Variants in EIF4B observed in about 807,000 individuals in gnomAD.
EIF4B encodes the protein eukaryotic translation initiation factor 4B.
In EIF4B, 8 loss-of-function variants were observed where a neutral mutation model predicts 79.3. The observed-to-expected ratio is 0.10, with a 90% confidence interval of 0.06 to 0.18. EIF4B has a LOEUF of 0.18. EIF4B is among the 10% of genes least tolerant of loss of function. The pLI is 1.00. For synonymous variants in EIF4B, 238 were observed against 274.7 expected (o/e 0.87, Z 1.32); for missense variants, 515 against 792.4 (o/e 0.65, Z 4.20).
At chr12:53,019,851 A>G in intron 3 of EIF4B, 59 bp from the exon 4 acceptor site, 1 of 1,554,072 alleles carries the variant, frequency 6.4e-7, no homozygotes, top group Non-Finnish European at 8.8e-7. Context: ...AGTCCTCTCA[A>G]AAAATGACAA....
chr12:53,008,173 CTG>C (rs534787735), intron 1 of EIF4B, among the ~76,000 whole-genome samples: 260 of 152,302 alleles, frequency 1.7e-3, no homozygotes, highest in African/African-American at 5.9e-3. Context: ...TGAAGAAAAT[CTG>C]TGTTTTCTTA....
At chr12:53,021,898 C>G (rs1370126792) in intron 5 of EIF4B, 38 bp downstream of exon 5, 1 of 1,612,518 alleles carries the variant, frequency 6.2e-7, no homozygotes, top group Non-Finnish European at 8.5e-7. Flanking sequence ...TGGTAATGGT[C>G]CCAGGATGAC....
intron 11 of EIF4B, 194 bp from the exon 12 acceptor site, chr12:53,038,162 T>C (rs1249135409): frequency 2.9e-5 from 13 of 445,690 alleles, no homozygotes; most frequent in East Asian, 2.7e-4. Context: ...ATGTGATGAT[T>C]AGAAAGCATA....
At chr12:53,008,736 C>T (rs1397962560) in intron 1 of EIF4B, 2 of 152,186 alleles carry the variant, frequency 1.3e-5, no homozygotes, top group East Asian at 3.8e-4. Flanking sequence ...TGCTTTGCTT[C>T]TTAAAAAGAA....
chr12:53,029,222 C>T (rs1409381817), intron 8 of EIF4B, among the ~76,000 whole-genome samples: 2 of 151,872 alleles, frequency 1.3e-5, no homozygotes, highest in African/African-American at 2.4e-5. Flanking sequence ...AAATTATGCC[C>T]CTAATACTAT....
At chr12:53,022,363 T>A (rs1165323835) in intron 5 of EIF4B, 130 bp from the exon 6 acceptor site, 1 of 1,320,856 alleles carries the variant, frequency 7.6e-7, no homozygotes, top group East Asian at 2.3e-5. Context: ...TTATGGGGCC[T>A]GAGGTAACTG....
At chr12:53,022,415 G>A in intron 5 of EIF4B, 78 bp from the exon 6 acceptor site, 2 of 1,586,318 alleles carry the variant, frequency 1.3e-6, no homozygotes, top group Admixed American at 1.7e-5. Flanking sequence ...GGGTAAAATG[G>A]GGGTTTTCTA....
rs569411742 is a variant in EIF4B at position 53,034,032 on chromosome 12, G to A, written c.1206G>A (p.Glu402=). The change falls in exon 9 of 15, where the codon GAG becomes GAA. Residue 402 remains glutamate, a splice_region_variant and synonymous_variant. Coordinates refer to ENST00000262056, the MANE Select transcript of EIF4B (RefSeq NM_001417.7). ...DEPKLERRPR[E]RHPSWRSEET... is the part of the protein sequence containing the mutation. ...CAAAACTAGAACGACGGCCTCGGGA[G>A]AGGTGTGTTGTCTTGATGGATATCC... 1.9e-5 allele frequency: 30 copies of A among 1,607,852 alleles called. No individual in the cohort carries two copies. The South Asian group carries it at 3.2e-4, about 17-fold the overall frequency.
chr12:53,008,955 A>C (rs918386057), intron 1 of EIF4B, among the ~76,000 whole-genome samples: 11 of 152,104 alleles, frequency 7.2e-5, no homozygotes, highest in African/African-American at 2.7e-4. Flanking sequence ...GAATCGCTTC[A>C]ATCTGGGAGG....
chr12:53,038,332 T>A lies in EIF4B; in HGVS notation c.1521-24T>A, dbSNP rs1012210970. The A allele has an allele frequency of 2.6e-6, 4 of 1,561,030 alleles. No individual in the cohort carries two copies. The South Asian group carries it at 3.6e-5, about 14-fold the overall frequency. Reference sequence around the variant, plus strand: ...TTTTCTCCCTGAAACAACTGATGAATGTGATTACCTGTTTTCCTTCTAGTG... The same window carrying A: ...TTTTCTCCCTGAAACAACTGATGAAAGTGATTACCTGTTTTCCTTCTAGTG... On this transcript the variant is annotated intron_variant, in intron 11 of 14. Transcript: ENST00000262056.
chr12:53,037,649 G>T lies in EIF4B; in HGVS notation c.1520+27G>T, dbSNP rs751970618. On this transcript the variant is annotated intron_variant, in intron 11 of 14. Transcript: ENST00000262056. The stretch of plus-strand genomic sequence containing the variant: ...TGAGTCAGTTTGGAAACAGTAGTTG[G>T]TTAACTGCAGATTCTAAAATACTGT... 21 of 1,610,038 alleles carry T rather than the reference G, an allele frequency of 1.3e-5. No homozygotes were observed. The East Asian group carries it at 4.5e-4, about 34-fold the overall frequency.
At chr12:53,037,240 C>T (rs1204783476) in intron 10 of EIF4B, among the ~76,000 whole-genome samples, 169 bp from the exon 11 acceptor site, 2 of 152,194 alleles carry the variant, frequency 1.3e-5, no homozygotes, top group Non-Finnish European at 2.9e-5. Context: ...TTTCTCTGTG[C>T]ATCAGTAAGA....
chr12:53,031,982 T>G (rs559073712), intron 8 of EIF4B, among the ~76,000 whole-genome samples: 1 of 152,364 alleles, frequency 6.6e-6, no homozygotes, highest in African/African-American at 2.4e-5. Flanking sequence ...TTTTTAGAAA[T>G]TTAACTTCCT....
intron 6 of EIF4B, 81 bp from the exon 7 acceptor site, chr12:53,027,701 C>A: frequency 2.0e-6 from 3 of 1,465,242 alleles, no homozygotes; most frequent in Non-Finnish European, 2.7e-6. Context: ...CAGATTCTTC[C>A]AAATTGGACT....
intron 6 of EIF4B, 91 bp from the exon 7 acceptor site, chr12:53,027,691 C>A: frequency 2.1e-6 from 3 of 1,451,190 alleles, no homozygotes; most frequent in Non-Finnish European, 1.8e-6. Flanking sequence ...TTTAAATAAA[C>A]AGATTCTTCC....
At chr12:53,039,498 A>C in intron 13 of EIF4B, 132 bp from the exon 14 acceptor site, 1 of 1,273,378 alleles carries the variant, frequency 7.9e-7, no homozygotes, top group Non-Finnish European at 1.1e-6. Flanking sequence ...ATCTAGAAGT[A>C]ATACATCATC....
intron 1 of EIF4B, chr12:53,008,517 T>G (rs968182813): frequency 2.0e-5 from 3 of 152,280 alleles, no homozygotes; most frequent in Admixed American, 6.5e-5. Flanking sequence ...AAATGGATGT[T>G]ATGTGTTCTG....
intron 8 of EIF4B, among the ~76,000 whole-genome samples, chr12:53,029,019 G>A (rs1292779938): frequency 1.3e-5 from 2 of 151,918 alleles, no homozygotes; most frequent in Non-Finnish European, 2.9e-5. Flanking sequence ...CCAGCTACTC[G>A]GGTGGCTGAG....
rs139666714 is a variant in EIF4B, at chr12:53,039,253, A to G, written c.1592A>G (p.Asp531Gly). ...GCCCAAGCAGATGAAAATAAAGTAG[A>G]TGGGATGAATGCCCCAAAAGGCCAA... Reference protein sequence around the residue: ...GPGRKDENKVDGMNAPKGQTG... With the variant: ...GPGRKDENKVGGMNAPKGQTG... The change falls in exon 13 of 15, where the codon GAT becomes GGT. Residue 531 changes from aspartate to glycine, a missense_variant. This residue lies in a region of EIF4B where 146 missense variants were observed against 228.0 expected (regional missense o/e 0.64). Coordinates refer to ENST00000262056, the MANE Select transcript of EIF4B (RefSeq NM_001417.7). The G allele has an allele frequency of 1.1e-5, 17 of 1,608,056 alleles. No individual in the cohort carries two copies. In the East Asian group the frequency reaches 3.8e-4, roughly 36 times the overall value.
Sources: allele counts gnomAD v4.1 joint callset (sites outside exome capture counted in the v4.1 genomes callset), GRCh38; gene constraint gnomAD v4.1.1; regional missense constraint gnomAD v4.1.1; transcripts MANE v1.5; gene names NCBI Gene and HGNC (gene_info 2026-07-23, HGNC 2026-07-21).